The following SEC24B variants were observed in gnomAD, a reference collection of about 807,000 sequenced individuals.
SEC24B encodes SEC24 homolog B, COPII component.
A neutral mutation model predicts 142.8 loss-of-function variants in SEC24B; 45 were observed. That is an observed-to-expected ratio of 0.32 (90% confidence interval 0.25 to 0.40). The LOEUF is 0.40. Among genes scored for constraint, SEC24B ranks in the 10% least tolerant of loss-of-function variants. The probability of loss-of-function intolerance (pLI) is 1.00; values close to 1 mark genes in which losing one functional copy is unlikely to be tolerated. For missense variants in SEC24B, 1,409 were observed against 1,526.8 expected, an observed-to-expected ratio of 0.92 and a Z score of 1.29; for synonymous variants, 574 against 568.2, an observed-to-expected ratio of 1.01 and a Z score of -0.15.
chr4:109,496,274 G>A (rs1578898802), intron 6 of SEC24B, among the ~76,000 whole-genome samples: 1 of 151,848 alleles, frequency 6.6e-6, no homozygotes, highest in African/African-American at 2.4e-5. Flanking sequence ...CACCATGCCC[G>A]GCTAATTTTT....
chr4:109,494,993 A>G (rs1735392711), intron 6 of SEC24B, 137 bp downstream of exon 6: 1 of 985,044 alleles, frequency 1.0e-6, no homozygotes, highest in Middle Eastern at 3.3e-4. Flanking sequence ...CATACATAGA[A>G]TTTGATCTCA....
At chr4:109,505,995 G>A (rs1332201718) in intron 6 of SEC24B, among the ~76,000 whole-genome samples, 1 of 152,190 alleles carries the variant, frequency 6.6e-6, no homozygotes, top group South Asian at 2.1e-4. Context: ...TATTGTGAAA[G>A]TTGGTAATTG....
At chr4:109,494,442 A>G (rs1479013733) in intron 5 of SEC24B, among the ~76,000 whole-genome samples, 173 bp from the exon 6 acceptor site, 2 of 152,222 alleles carry the variant, frequency 1.3e-5, no homozygotes, top group African/African-American at 4.8e-5. Context: ...AAGCTTAGTG[A>G]TAAGTATATG....
chr4:109,537,264 T>G (rs992455249), intron 22 of SEC24B, among the ~76,000 whole-genome samples: 1 of 152,204 alleles, frequency 6.6e-6, no homozygotes, highest in African/African-American at 2.4e-5. Flanking sequence ...GTAGACAGTT[T>G]AGGACAGTGG....
At chr4:109,434,084 G>A (rs1728133962) in intron 1 of SEC24B, 82 bp downstream of exon 1, 2 of 907,564 alleles carry the variant, frequency 2.2e-6, no homozygotes, top group Non-Finnish European at 2.6e-6. Context: ...GGGGCGGGCC[G>A]GGCCGGGAAG....
At chr4:109,498,427 G>A (rs1002387583) in intron 6 of SEC24B, among the ~76,000 whole-genome samples, 2 of 152,044 alleles carry the variant, frequency 1.3e-5, no homozygotes, top group South Asian at 4.1e-4. Context: ...GCGCAATCTC[G>A]GCTCGCGGCT....
chr4:109,508,733 C>T (rs1340461701), intron 7 of SEC24B, among the ~76,000 whole-genome samples: 1 of 152,024 alleles, frequency 6.6e-6, no homozygotes. Context: ...GTTGAGCAGA[C>T]CTAAGTAGCT....
At position 109,533,698 on chromosome 4, in the gene SEC24B, T is replaced by C; in HGVS notation, c.3588+13T>C. On this transcript the variant is annotated intron_variant, in intron 22 of 23. Transcript: ENST00000265175. ...ACCACAGAAAATGGTCAGTAGATTT[T>C]ATACACCTTTAACTTTTTGTTTGCT... 2 of 1,432,504 alleles carry C rather than the reference T, an allele frequency of 1.4e-6. No homozygotes were observed. Among genetic ancestry groups the C allele is most frequent in the Admixed American group, 1.9e-5 (1 of 53,804 alleles). The allele number at this position is 1,432,504 out of a possible 1,614,324, so 88.7% of individuals were successfully genotyped here.
chr4:109,523,903 G>A (rs986091156), intron 14 of SEC24B, among the ~76,000 whole-genome samples: 3 of 151,968 alleles, frequency 2.0e-5, no homozygotes, highest in African/African-American at 7.3e-5. Context: ...TCACCAATAT[G>A]CTAGAGAAAA....
At chr4:109,510,979 C>A (rs1737256660) in intron 8 of SEC24B, among the ~76,000 whole-genome samples, 1 of 151,818 alleles carries the variant, frequency 6.6e-6, no homozygotes, top group Admixed American at 6.6e-5. Flanking sequence ...TAGAAAAGAT[C>A]AAAATGAATA....
intron 1 of SEC24B, among the ~76,000 whole-genome samples, chr4:109,441,426 A>AT (rs1162381835): frequency 6.6e-6 from 1 of 151,938 alleles, no homozygotes; most frequent in Non-Finnish European, 1.5e-5. Context: ...ACCAATATTG[A>AT]TTTTCTTTTC....
intron 1 of SEC24B, among the ~76,000 whole-genome samples, chr4:109,442,100 T>A (rs890945715): frequency 2.0e-5 from 3 of 152,196 alleles, no homozygotes; most frequent in African/African-American, 7.2e-5. Flanking sequence ...AGCATGCACA[T>A]TTTTTATGCC....
intron 1 of SEC24B, among the ~76,000 whole-genome samples, chr4:109,439,474 A>ATTTTTTTTTTTTTTTTTTT (rs70949077): frequency 2.3e-5 from 1 of 43,996 alleles, no homozygotes; most frequent in Non-Finnish European, 4.0e-5. Flanking sequence ...TCCTAAGCTG[A>ATTTTTTTTTTTTTTTTTTT]TTTTTTTTTT....
At position 109,517,630 on chromosome 4, in the gene SEC24B, A is replaced by G. The variant is rs560965862; in HGVS notation, c.2126+990A>G. Among the ~76,000 whole-genome samples, 4 of 152,338 alleles carry G rather than the reference A, an allele frequency of 2.6e-5. No individual in the cohort carries two copies. In the East Asian group the frequency reaches 7.7e-4, roughly 29 times the overall value. On this transcript the variant is annotated intron_variant, in intron 11 of 23. Transcript: ENST00000265175. The stretch of plus-strand genomic sequence containing the variant: ...ACAAAAATTTTAACTTTGTGAGGCA[A>G]TGCATATATTCATTAGCTAGATTTA...
chr4:109,509,519 T>C (rs1209305367), intron 7 of SEC24B, among the ~76,000 whole-genome samples: 5 of 151,642 alleles, frequency 3.3e-5, no homozygotes, highest in African/African-American at 9.7e-5. Context: ...CTACTAAAAA[T>C]ACAAAAAATT....
chr4:109,531,924 A>C (rs1360014132), intron 20 of SEC24B, among the ~76,000 whole-genome samples: 6 of 151,538 alleles, frequency 4.0e-5, no homozygotes, highest in Non-Finnish European at 8.8e-5. Flanking sequence ...CAGTGGTGTG[A>C]TCTCGGCTCA....
At chr4:109,483,008 T>TCACAC in intron 4 of SEC24B, among the ~76,000 whole-genome samples, 1 of 82,868 alleles carries the variant, frequency 1.2e-5, no homozygotes, top group African/African-American at 6.3e-5. Flanking sequence ...ACACACATAT[T>TCACAC]ATACATATGT....
intron 3 of SEC24B, among the ~76,000 whole-genome samples, chr4:109,480,924 G>A (rs986457127): frequency 6.6e-6 from 1 of 152,122 alleles, no homozygotes; most frequent in Non-Finnish European, 1.5e-5. Context: ...ACCAATACCA[G>A]TTTATTGTGC....
intron 1 of SEC24B, among the ~76,000 whole-genome samples, chr4:109,437,732 C>A (rs1175961046): frequency 1.3e-5 from 2 of 152,210 alleles, no homozygotes; most frequent in African/African-American, 4.8e-5. Context: ...TCAAGCGATT[C>A]TCCTGCCTCA....
Sources: allele counts gnomAD v4.1 joint callset (sites outside exome capture counted in the v4.1 genomes callset), GRCh38; gene constraint gnomAD v4.1.1; transcripts MANE v1.5; gene names NCBI Gene and HGNC (gene_info 2026-07-23, HGNC 2026-07-21).